Variants in DPH6 observed in about 807,000 individuals in gnomAD.
DPH6 encodes diphthamine biosynthesis 6.
A neutral mutation model predicts 38.2 loss-of-function variants in DPH6; 33 were observed. The observed-to-expected ratio is 0.86, with a 90% confidence interval of 0.65 to 1.15. DPH6 has a LOEUF of 1.15. DPH6 is among the 50% of genes most tolerant of loss of function. DPH6 has a pLI of 0.00. For missense variants in DPH6, 325 were observed against 320.0 expected (o/e 1.02, Z -0.12); for synonymous variants, 108 against 103.0 (o/e 1.05, Z -0.30).
intron 5 of DPH6, among the ~76,000 whole-genome samples, chr15:35,413,073 CGGTATGGGGTCAG>C (rs1456508315): frequency 6.6e-6 from 1 of 151,386 alleles, no homozygotes; most frequent in Non-Finnish European, 1.5e-5. Context: ...GGAGGTCATG[CGGTATGGGGTCAG>C]GGTAAATGGA....
the DPH6 span, among the ~76,000 whole-genome samples, chr15:35,191,188 TTG>T: frequency 6.6e-6 from 1 of 152,220 alleles, no homozygotes; most frequent in Admixed American, 6.5e-5. Flanking sequence ...CCACATTTCA[TTG>T]TGTGTCAAAG....
intron 3 of DPH6, among the ~76,000 whole-genome samples, chr15:35,514,735 T>G (rs1386843328): frequency 6.6e-6 from 1 of 152,174 alleles, no homozygotes; most frequent in Non-Finnish European, 1.5e-5. Flanking sequence ...ATCCTATAAA[T>G]TCTAACCCTG....
chr15:35,543,340 T>A (rs1235299684), intron 1 of DPH6, among the ~76,000 whole-genome samples: 1 of 145,294 alleles, frequency 6.9e-6, no homozygotes, highest in Non-Finnish European at 1.5e-5. Context: ...ATAAATGTAG[T>A]AACACATTGA....
chr15:35,464,856 T>C (rs546045323), intron 3 of DPH6, among the ~76,000 whole-genome samples: 1 of 152,350 alleles, frequency 6.6e-6, no homozygotes, highest in Non-Finnish European at 1.5e-5. Flanking sequence ...ACTTCTACTA[T>C]AAAATGTACC....
intron 3 of DPH6, among the ~76,000 whole-genome samples, chr15:35,456,732 T>C (rs1265586384): frequency 6.6e-6 from 1 of 151,842 alleles, no homozygotes; most frequent in Non-Finnish European, 1.5e-5. Flanking sequence ...GTGATCCACC[T>C]GCCTCGGCCT....
At chr15:35,402,413 A>G (rs2053232534) in intron 6 of DPH6, among the ~76,000 whole-genome samples, 1 of 152,196 alleles carries the variant, frequency 6.6e-6, no homozygotes, top group Admixed American at 6.5e-5. Flanking sequence ...AGATAAAATT[A>G]TAGATGGGAC....
At chr15:35,488,347 C>A (rs944081800) in intron 3 of DPH6, among the ~76,000 whole-genome samples, 1 of 152,114 alleles carries the variant, frequency 6.6e-6, no homozygotes, top group Non-Finnish European at 1.5e-5. Context: ...TCTGTTTTCA[C>A]ACTGTTATGA....
intron 3 of DPH6, among the ~76,000 whole-genome samples, chr15:35,483,125 T>C (rs1490838100): frequency 2.6e-5 from 4 of 151,982 alleles, no homozygotes; most frequent in East Asian, 3.9e-4. Flanking sequence ...CCAATAAGTA[T>C]ATAAAAAGAT....
intron 5 of DPH6, among the ~76,000 whole-genome samples, chr15:35,418,336 T>A (rs2053461557): frequency 6.6e-6 from 1 of 152,144 alleles, no homozygotes; most frequent in African/African-American, 2.4e-5. Context: ...GATGTTAAAG[T>A]ACATTTTAAC....
At chr15:35,516,671 A>C (rs2054851936) in intron 3 of DPH6, among the ~76,000 whole-genome samples, 1 of 152,184 alleles carries the variant, frequency 6.6e-6, no homozygotes, top group African/African-American at 2.4e-5. Flanking sequence ...TTAAAGGATA[A>C]AAACATACAG....
chr15:35,436,504 C>CAAAAAAACAAAAAAA (rs371533654), intron 5 of DPH6, among the ~76,000 whole-genome samples: 1 of 108,216 alleles, frequency 9.2e-6, no homozygotes, highest in Non-Finnish European at 1.7e-5. Flanking sequence ...CAAAACAAAA[C>CAAAAAAACAAAAAAA]AAAACAAAAC....
the DPH6 span, among the ~76,000 whole-genome samples, chr15:35,176,110 T>C: frequency 6.6e-6 from 1 of 152,220 alleles, no homozygotes; most frequent in Non-Finnish European, 1.5e-5. Context: ...ATGATGAACA[T>C]TGTGTGTGAA....
chr15:35,313,876 T>G (rs1051166334), intron 3 of DPH6, among the ~76,000 whole-genome samples: 1 of 152,098 alleles, frequency 6.6e-6, no homozygotes. Context: ...TCCAGGGCAT[T>G]TGTCTGGGCA....
intron 7 of DPH6, among the ~76,000 whole-genome samples, chr15:35,380,401 A>G (rs1440520496): frequency 1.3e-5 from 2 of 152,184 alleles, no homozygotes; most frequent in African/African-American, 4.8e-5. Flanking sequence ...TGTGATAAAC[A>G]TATCTTCTGG....
intron 5 of DPH6, among the ~76,000 whole-genome samples, chr15:35,434,343 T>A (rs2053669167): frequency 6.6e-6 from 1 of 152,118 alleles, no homozygotes; most frequent in Non-Finnish European, 1.5e-5. Context: ...AGATTAAAGC[T>A]AATTATTAAT....
intron 3 of DPH6, chr15:35,237,298 G>C: frequency 4.5e-6 from 7 of 1,561,016 alleles, no homozygotes; most frequent in South Asian, 3.3e-5. Context: ...TTCCAGCGGC[G>C]CGGGAGCCTC....
rs186851667 is a variant in DPH6, at chr15:35,446,762, G to A, written c.505+3923C>T. On this transcript the variant is annotated intron_variant, in intron 5 of 8. Coordinates refer to ENST00000256538, the MANE Select transcript of DPH6 (RefSeq NM_080650.4). ...CACCTTGTAGTTCAAGGGACAACTGGATAGCCTATAAACCAAGAAATGAGT... is the reference window on the plus strand; with the variant it reads ...CACCTTGTAGTTCAAGGGACAACTGAATAGCCTATAAACCAAGAAATGAGT... Among the ~76,000 whole-genome samples the A allele has an allele frequency of 4.2e-3, 636 of 152,186 alleles. 1 individual carries two copies. The highest frequency in any genetic ancestry group is 4.9e-3 in the Non-Finnish European group (332 of 68,012).
intron 3 of DPH6, among the ~76,000 whole-genome samples, chr15:35,533,656 AT>A (rs2055121818): frequency 6.6e-6 from 1 of 150,608 alleles, no homozygotes; most frequent in African/African-American, 2.4e-5. Flanking sequence ...AATTGTTGTT[AT>A]TTTTATTATT....
At chr15:35,521,028 G>A (rs754988556) in intron 3 of DPH6, 19 of 984,998 alleles carry the variant, frequency 1.9e-5, no homozygotes, top group Non-Finnish European at 2.3e-5. Context: ...GGAGGGGAAG[G>A]GGCTTTAGAT....
Sources: gnomAD v4.1 joint callset for allele counts (sites outside exome capture counted in the v4.1 genomes callset) on GRCh38, gnomAD v4.1.1 for gene constraint, MANE v1.5 for transcripts, NCBI Gene and HGNC (gene_info 2026-07-23, HGNC 2026-07-21) for gene names.